DCC: variants seen among roughly 807,000 people sequenced by gnomAD.
DCC encodes the protein netrin receptor DCC.
Under a neutral mutation model 172.5 loss-of-function variants are expected in DCC, and 58 were observed. The ratio of observed to expected loss-of-function variants is 0.34; its 90% CI spans 0.27 to 0.42. DCC has a LOEUF of 0.42. Among genes scored for constraint, DCC ranks in the 10% least tolerant of loss-of-function variants. DCC has a pLI of 1.00. For synonymous variants in DCC, 709 were observed against 644.5 expected, an observed-to-expected ratio of 1.10 and a Z score of -1.52; for missense variants, 1,740 against 1,791.0, an observed-to-expected ratio of 0.97 and a Z score of 0.51.
At chr18:53,464,779 G>C (rs564393054) in intron 24 of DCC, among the ~76,000 whole-genome samples, 1 of 151,942 alleles carries the variant, frequency 6.6e-6, no homozygotes, top group South Asian at 2.1e-4. Context: ...TTGGCAGCTT[G>C]AGATGAGCCT....
chr18:52,904,965 A>C (rs2039859133), intron 2 of DCC, among the ~76,000 whole-genome samples: 1 of 152,204 alleles, frequency 6.6e-6, no homozygotes, highest in South Asian at 2.1e-4. Flanking sequence ...ATTTAAAAAA[A>C]CACAAGAATT....
chr18:53,115,515 A>C lies in DCC; in HGVS notation c.1262-41841A>C, dbSNP rs775364819. 2.0e-5 allele frequency among the ~76,000 whole-genome samples: 3 copies of C among 151,506 alleles called. No homozygotes were observed. In the Admixed American group the frequency reaches 2.0e-4, roughly 10 times the overall value. On this transcript the variant is annotated intron_variant, in intron 7 of 28. Coordinates refer to ENST00000442544, the MANE Select transcript of DCC (RefSeq NM_005215.4). The stretch of plus-strand genomic sequence containing the variant: ...GATAGCTTTCTAAATCCCATTTCAA[A>C]ACTGGACCATCCAATTTCACTCTTA...
intron 2 of DCC, among the ~76,000 whole-genome samples, chr18:52,817,560 A>C (rs1268779535): frequency 1.4e-4 from 22 of 152,110 alleles, no homozygotes; most frequent in Admixed American, 1.4e-3. Context: ...GTATTTGAGA[A>C]TTATAGAATC....
intron 1 of DCC, among the ~76,000 whole-genome samples, chr18:52,543,170 A>T (rs1457106845): frequency 2.6e-5 from 4 of 152,232 alleles, no homozygotes; most frequent in Non-Finnish European, 4.4e-5. Context: ...GAATGTGAAC[A>T]GAGAAAGATG....
intron 2 of DCC, among the ~76,000 whole-genome samples, chr18:52,869,488 C>G (rs1775224178): frequency 6.6e-6 from 1 of 152,240 alleles, no homozygotes; most frequent in African/African-American, 2.4e-5. Flanking sequence ...AGTTTCCACT[C>G]TGGTCACAGG....
At chr18:53,459,128 T>C in intron 23 of DCC, 104 bp from the exon 24 acceptor site, 1 of 929,274 alleles carries the variant, frequency 1.1e-6, no homozygotes, top group South Asian at 1.4e-5. Context: ...ATTCTGCGAG[T>C]CCTTTTGTTT....
intron 5 of DCC, among the ~76,000 whole-genome samples, chr18:53,010,598 T>C (rs760362249): frequency 1.3e-5 from 2 of 151,146 alleles, no homozygotes; most frequent in Admixed American, 6.6e-5. Flanking sequence ...TTCAAATTAA[T>C]ATATTTAGAG....
At chr18:52,368,934 T>C (rs1346963347) in intron 1 of DCC, among the ~76,000 whole-genome samples, 1 of 152,158 alleles carries the variant, frequency 6.6e-6, no homozygotes, top group Non-Finnish European at 1.5e-5. Context: ...ATGATGCAAA[T>C]CAAAGTTGTT....
intron 14 of DCC, among the ~76,000 whole-genome samples, chr18:53,330,082 G>A (rs1014459000): frequency 6.6e-6 from 1 of 152,056 alleles, no homozygotes; most frequent in Non-Finnish European, 1.5e-5. Context: ...GGCAAAGGAG[G>A]GTAAAGTCAT....
At chr18:52,685,485 G>A (rs759595798) in intron 1 of DCC, among the ~76,000 whole-genome samples, 21 of 152,082 alleles carry the variant, frequency 1.4e-4, no homozygotes, top group Non-Finnish European at 2.8e-4. Context: ...TTGGAAGGTG[G>A]GGCCTAGTGG....
chr18:53,320,713 G>A (rs2057401445), intron 13 of DCC, among the ~76,000 whole-genome samples: 1 of 152,126 alleles, frequency 6.6e-6, no homozygotes, highest in Admixed American at 6.5e-5. Flanking sequence ...TTTATGTTAA[G>A]TTTTAGTTTT....
chr18:53,437,447 G>A (rs2145122739), intron 22 of DCC, among the ~76,000 whole-genome samples: 1 of 151,940 alleles, frequency 6.6e-6, no homozygotes, highest in African/African-American at 2.4e-5. Context: ...AGGAGTGGTG[G>A]CACGCACCTG....
In DCC at chr18:52,772,821, C is replaced by A. The variant is rs2037365698; in HGVS notation, c.412+20447C>A. The stretch of plus-strand genomic sequence containing the variant: ...TAGCATCTTATCTCTAGTTTCTTGC[C>A]TCTAAAAGTTGAAGTTACAGTAGCA... On this transcript the variant is annotated intron_variant, in intron 2 of 28. Coordinates refer to ENST00000442544, the MANE Select transcript of DCC (RefSeq NM_005215.4). Among the ~76,000 whole-genome samples, 2 of 152,154 alleles carry A rather than the reference C, an allele frequency of 1.3e-5. 1 individual carries two copies. Among genetic ancestry groups the A allele is most frequent in the South Asian group, 4.1e-4 (2 of 4,834 alleles).
At chr18:53,229,620 C>G (rs548166017) in intron 12 of DCC, among the ~76,000 whole-genome samples, 1 of 152,008 alleles carries the variant, frequency 6.6e-6, no homozygotes, top group African/African-American at 2.4e-5. Context: ...CAGAACTCAG[C>G]AAATGCTACA....
intron 12 of DCC, among the ~76,000 whole-genome samples, chr18:53,264,108 C>G (rs186726036): frequency 6.6e-6 from 1 of 152,230 alleles, no homozygotes; most frequent in Admixed American, 6.5e-5. Flanking sequence ...AATGGTAATA[C>G]AGCCTCTTAC....
chr18:52,752,346 T>C lies in DCC; in HGVS notation c.384T>C (p.Ile128=), dbSNP rs755204572. 4 of 1,614,194 alleles carry C rather than the reference T, an allele frequency of 2.5e-6. No homozygotes were observed. Among genetic ancestry groups the C allele is most frequent in the Non-Finnish European group, 2.5e-6 (3 of 1,180,012 alleles). ...CTTTAGGAGATTCTGGCTCAATTAT[T>C]AGTCGGACAGCAAAAGTTGCAGTAG... The part of the protein sequence containing the change: ...EASLGDSGSI[I]SRTAKVAVAG... The change falls in exon 2 of 29, where the codon ATT becomes ATC. Residue 128 remains isoleucine, a synonymous_variant. Coordinates refer to ENST00000442544, the MANE Select transcript of DCC (RefSeq NM_005215.4).
At chr18:52,527,346 A>G (rs1309368691) in intron 1 of DCC, among the ~76,000 whole-genome samples, 2 of 152,260 alleles carry the variant, frequency 1.3e-5, no homozygotes, top group African/African-American at 2.4e-5. Context: ...ATGCATTAAT[A>G]CATGAAGTGG....
chr18:52,419,609 TAAG>T (rs1043761789), intron 1 of DCC: 4 of 152,124 alleles, frequency 2.6e-5, no homozygotes, highest in Non-Finnish European at 5.9e-5. Context: ...TAATCTGAGA[TAAG>T]AAGATCATTC....
chr18:52,997,030 A>G (rs578018997), intron 5 of DCC, among the ~76,000 whole-genome samples: 20 of 152,202 alleles, frequency 1.3e-4, no homozygotes, highest in African/African-American at 4.8e-4. Flanking sequence ...ACACGTTTGT[A>G]TCCCTTCTGC....
Sources: allele counts gnomAD v4.1 joint callset (sites outside exome capture counted in the v4.1 genomes callset), GRCh38; gene constraint gnomAD v4.1.1; transcripts MANE v1.5; gene names NCBI Gene and HGNC (gene_info 2026-07-23, HGNC 2026-07-21).